NARS2: variants seen among roughly 807,000 people sequenced by gnomAD.
The protein encoded by NARS2 is asparaginyl-tRNA synthetase.
Under a neutral mutation model 62.9 loss-of-function variants are expected in NARS2, and 60 were observed. The ratio of observed to expected loss-of-function variants is 0.95; its 90% CI spans 0.77 to 1.18. The LOEUF is 1.18. Ranked by LOEUF, NARS2 falls within the 50% of genes most tolerant of loss-of-function variation. The pLI is 0.00. For missense variants in NARS2, 619 were observed against 576.4 expected, an observed-to-expected ratio of 1.07 and a Z score of -0.76; for synonymous variants, 196 against 200.0, an observed-to-expected ratio of 0.98 and a Z score of 0.17.
chr11:78,571,558 A>C, intron 1 of NARS2, 114 bp from the exon 2 acceptor site: 2 of 664,434 alleles, frequency 3.0e-6, no homozygotes, highest in Non-Finnish European at 2.6e-6. Context: ...GCCTCAACAA[A>C]TCAACTTCTT....
In NARS2 at chr11:78,565,690, C is replaced by A. The variant is rs143420717; in HGVS notation, c.513+442G>T. On this transcript the variant is annotated intron_variant, in intron 4 of 13. Transcript: ENST00000281038. ...TATCCAATGCTAGGGAAAGAACCAT[C>A]TAAAAAGATTAGAGAAAACAGTGCC... Among the ~76,000 whole-genome samples the A allele has an allele frequency of 2.0e-4, 31 of 152,274 alleles. No homozygotes were observed. In the East Asian group the frequency reaches 5.6e-3, roughly 27 times the overall value.
At chr11:78,468,411 C>CTT (rs112260820) in intron 10 of NARS2, among the ~76,000 whole-genome samples, 3 of 132,500 alleles carry the variant, frequency 2.3e-5, no homozygotes, top group Non-Finnish European at 3.2e-5. Context: ...TGTTGGTCAT[C>CTT]TTTTTTTTTT....
At chr11:78,548,452 A>G (rs1855962337) in intron 5 of NARS2, among the ~76,000 whole-genome samples, 1 of 152,212 alleles carries the variant, frequency 6.6e-6, no homozygotes, top group African/African-American at 2.4e-5. Flanking sequence ...ATAAAAATGT[A>G]TAAGCACCAG....
At chr11:78,512,381 T>C (rs963950061) in intron 6 of NARS2, among the ~76,000 whole-genome samples, 5 of 152,244 alleles carry the variant, frequency 3.3e-5, no homozygotes, top group Non-Finnish European at 5.9e-5. Context: ...TCTCTGCAAC[T>C]AGTCCTTTAT....
chr11:78,566,120 T>C lies in NARS2; in HGVS notation c.513+12A>G, dbSNP rs763508686. 6.3e-7 allele frequency: 1 copy of C among 1,595,970 alleles called. No individual in the cohort carries two copies. The highest frequency in any genetic ancestry group is 1.8e-5 in the Admixed American group (1 of 56,008). On this transcript the variant is annotated intron_variant, in intron 4 of 13. Coordinates refer to ENST00000281038, the MANE Select transcript of NARS2 (RefSeq NM_024678.6). ...TGTTTAAAGGGTCAAGAGGGAACTT[T>C]TAGGATCTTACCTTAAAGAAAGAAT...
intron 1 of NARS2, among the ~76,000 whole-genome samples, chr11:78,572,642 T>C (rs1329373880): frequency 1.3e-5 from 2 of 152,220 alleles, no homozygotes; most frequent in Non-Finnish European, 2.9e-5. Flanking sequence ...CTTACCTTAC[T>C]ACCAACTATC....
At chr11:78,482,100 C>T (rs1859379763) in intron 7 of NARS2, among the ~76,000 whole-genome samples, 1 of 152,072 alleles carries the variant, frequency 6.6e-6, no homozygotes, top group Non-Finnish European at 1.5e-5. Flanking sequence ...AATGAACTAT[C>T]CAAGCTGGGA....
intron 5 of NARS2, among the ~76,000 whole-genome samples, chr11:78,529,839 A>G (rs547133384): frequency 6.6e-6 from 1 of 152,256 alleles, no homozygotes; most frequent in African/African-American, 2.4e-5. Flanking sequence ...TTGTATTTTA[A>G]ACTGTGCACT....
chr11:78,518,798 T>A (rs1193957707), intron 6 of NARS2, among the ~76,000 whole-genome samples: 2 of 152,216 alleles, frequency 1.3e-5, no homozygotes, highest in Non-Finnish European at 1.5e-5. Flanking sequence ...ATTACAGGCA[T>A]GAGCCACTGC....
chr11:78,438,597 T>C (rs1857483014), intron 13 of NARS2, among the ~76,000 whole-genome samples: 1 of 152,204 alleles, frequency 6.6e-6, no homozygotes, highest in South Asian at 2.1e-4. Flanking sequence ...TTTTCTTGCC[T>C]TTGCTTTGAT....
rs986267288 is a variant in NARS2 at position 78,534,563 on chromosome 11, T to C, written c.595-5627A>G. The stretch of plus-strand genomic sequence containing the variant: ...ATAATGAGTGAATAAATCAGAACTT[T>C]GTCAGTGTAACCTCCTCCAGATACA... On this transcript the variant is annotated intron_variant, in intron 5 of 13. Coordinates refer to ENST00000281038, the MANE Select transcript of NARS2 (RefSeq NM_024678.6). 3.3e-5 allele frequency among the ~76,000 whole-genome samples: 5 copies of C among 152,224 alleles called. No individual in the cohort carries two copies. The South Asian group carries it at 6.2e-4, about 19-fold the overall frequency.
At chr11:78,555,807 G>A (rs963586967) in intron 5 of NARS2, among the ~76,000 whole-genome samples, 2 of 152,092 alleles carry the variant, frequency 1.3e-5, no homozygotes, top group Non-Finnish European at 2.9e-5. Context: ...ACTTTTTGAT[G>A]TGGGCGTTTA....
chr11:78,441,485 G>A (rs1565200416), intron 12 of NARS2, among the ~76,000 whole-genome samples: 1 of 152,188 alleles, frequency 6.6e-6, no homozygotes, highest in Admixed American at 6.5e-5. Flanking sequence ...GCCAAGGTGG[G>A]TGGATCACTT....
At chr11:78,475,239 A>C (rs1859039282) in intron 9 of NARS2, among the ~76,000 whole-genome samples, 1 of 152,204 alleles carries the variant, frequency 6.6e-6, no homozygotes, top group African/African-American at 2.4e-5. Flanking sequence ...ATGCTGTCAC[A>C]AATAAGATTT....
rs182679358 is a variant in NARS2, at chr11:78,450,930, C to T, written c.1165-7172G>A. ...CTCCTGACCTCAAGTGATCTGCCCA[C>T]CTGGGCCTCCAAAGTGCTGGGATTA... On this transcript the variant is annotated intron_variant, in intron 11 of 13. Coordinates refer to ENST00000281038, the MANE Select transcript of NARS2 (RefSeq NM_024678.6). Among the ~76,000 whole-genome samples, 272 of 152,228 alleles carry T rather than the reference C, an allele frequency of 1.8e-3. 2 individuals carry two copies. The highest frequency in any genetic ancestry group is 3.5e-3 in the South Asian group (17 of 4,818).
Position 78,450,630 on chromosome 11 carries a change from G to C in NARS2, c.1165-6872C>G, listed in dbSNP as rs571419785. ...TACTATTTCTTTTTCAACAAGGTCA[G>C]GTGAACCTCTGAAGAAAAGCCCACA... On this transcript the variant is annotated intron_variant, in intron 11 of 13. Transcript: ENST00000281038. Among the ~76,000 whole-genome samples, 4 of 150,422 alleles carry C rather than the reference G, an allele frequency of 2.7e-5. No individual in the cohort carries two copies. In the East Asian group the frequency reaches 7.8e-4, roughly 29 times the overall value.
intron 5 of NARS2, among the ~76,000 whole-genome samples, chr11:78,542,914 C>T (rs1222310079): frequency 6.6e-6 from 1 of 152,084 alleles, no homozygotes. Flanking sequence ...CAAAACAAAC[C>T]CCCCCACAAA....
intron 7 of NARS2, among the ~76,000 whole-genome samples, chr11:78,483,280 A>AT (rs1364435338): frequency 2.6e-5 from 4 of 152,234 alleles, no homozygotes; most frequent in Admixed American, 6.5e-5. Flanking sequence ...CACAGCCAGT[A>AT]TCATACTGAA....
chr11:78,483,297 A>G (rs897570879), intron 7 of NARS2, among the ~76,000 whole-genome samples: 1 of 152,224 alleles, frequency 6.6e-6, no homozygotes, highest in Non-Finnish European at 1.5e-5. Context: ...TGAATGGGCA[A>G]AGCTGGAAGC....
Sources: allele counts gnomAD v4.1 joint callset (sites outside exome capture counted in the v4.1 genomes callset), GRCh38; gene constraint gnomAD v4.1.1; transcripts MANE v1.5; gene names NCBI Gene and HGNC (gene_info 2026-07-23, HGNC 2026-07-21).